The following MAD1L1 variants were observed in gnomAD, a reference collection of about 807,000 sequenced individuals.
The protein encoded by MAD1L1 is mitotic arrest deficient 1 like 1.
In MAD1L1, 95 loss-of-function variants were observed where a neutral mutation model predicts 96.9. The observed-to-expected ratio is 0.98, with a 90% CI of 0.83 to 1.16. The LOEUF (loss-of-function observed/expected upper bound fraction) is 1.16. Ranked by LOEUF, MAD1L1 falls within the 50% of genes most tolerant of loss-of-function variation. MAD1L1 has a pLI of 0.00. For missense variants in MAD1L1, 1,007 were observed against 954.4 expected (o/e 1.06, Z -0.73); for synonymous variants, 473 against 396.6 (o/e 1.19, Z -2.29).
chr7:2,021,826 T>C (rs185743876), intron 12 of MAD1L1, among the ~76,000 whole-genome samples: 24 of 152,158 alleles, frequency 1.6e-4, no homozygotes, highest in Non-Finnish European at 2.5e-4. Context: ...AGATTGGTCA[T>C]TGGCAGCCCT....
intron 17 of MAD1L1, among the ~76,000 whole-genome samples, chr7:1,933,127 C>T (rs1035903476): frequency 6.6e-6 from 1 of 152,184 alleles, no homozygotes; most frequent in African/African-American, 2.4e-5. Flanking sequence ...CTCTGCGTTT[C>T]GCTGTGCTCT....
intron 10 of MAD1L1, among the ~76,000 whole-genome samples, chr7:2,168,687 G>A (rs529879390): frequency 2.6e-5 from 4 of 152,362 alleles, no homozygotes; most frequent in Non-Finnish European, 4.4e-5. Flanking sequence ...AACCAGCCGC[G>A]AGAAGGCACA....
chr7:2,052,496 G>T (rs1445386353), intron 12 of MAD1L1, among the ~76,000 whole-genome samples: 1 of 151,958 alleles, frequency 6.6e-6, no homozygotes, highest in Non-Finnish European at 1.5e-5. Flanking sequence ...GGCAGGGAGG[G>T]GGCTGGACAC....
rs1562692835 is a variant in MAD1L1 at position 2,106,076 on chromosome 7, ACACACAGCGCCAGCCAT to A, written c.1074-36755_1074-36739del. 4.4e-5 allele frequency among the ~76,000 whole-genome samples: 5 copies of A among 113,180 alleles called. No homozygotes were observed. In the South Asian group the frequency reaches 1.4e-3, roughly 31 times the overall value. The allele number at this position is 113,180 out of a possible 152,430, so 74.3% of individuals were successfully genotyped here. A position where few individuals can be genotyped will look rare whatever the true frequency, so the allele number is the denominator to read the frequency against. On this transcript the variant is annotated intron_variant, in intron 11 of 18. Transcript: ENST00000265854. ...GCCCCACCCCCCAGACCTATCTATC[ACACACAGCGCCAGCCAT>A]CACACAGCCCCGCCCCTCCACCCTG... is the stretch of plus-strand genomic sequence containing the variant.
rs1331754868 is a variant in MAD1L1 at position 2,114,226 on chromosome 7, A to G, written c.1073+34926T>C. Among the ~76,000 whole-genome samples the G allele has an allele frequency of 6.6e-6, 1 of 152,250 alleles. No homozygotes were observed. The highest frequency in any genetic ancestry group is 1.5e-5 in the Non-Finnish European group (1 of 68,040). ...GTTCCCAGAAGAACATGCCAGACAC[A>G]TGAGAAAGACAAAAGGGCAAATGGC... On this transcript the variant is annotated intron_variant, in intron 11 of 18. Coordinates refer to ENST00000265854, the MANE Select transcript of MAD1L1 (RefSeq NM_001013836.2). The surrounding 1 kb of genome is among the most constrained non-coding windows in gnomAD (Gnocchi z 4.2).
intron 14 of MAD1L1, among the ~76,000 whole-genome samples, chr7:1,998,056 G>A (rs1375998742): frequency 6.6e-6 from 1 of 152,144 alleles, no homozygotes; most frequent in African/African-American, 2.4e-5. Context: ...GATGAATAAG[G>A]AACAGAAATT....
chr7:1,939,760 C>T (rs926660914), intron 16 of MAD1L1, among the ~76,000 whole-genome samples: 2 of 152,228 alleles, frequency 1.3e-5, no homozygotes, highest in South Asian at 2.1e-4. Flanking sequence ...AGAGACCGGG[C>T]GCAGTAAGCC....
intron 15 of MAD1L1, among the ~76,000 whole-genome samples, chr7:1,977,299 G>A (rs774784491): frequency 9.8e-5 from 15 of 152,376 alleles, no homozygotes; most frequent in Non-Finnish European, 1.3e-4. Flanking sequence ...TTCGACTGCA[G>A]CGCAGATGGG....
intron 11 of MAD1L1, among the ~76,000 whole-genome samples, chr7:2,128,093 G>C (rs1788323379): frequency 6.6e-6 from 1 of 152,160 alleles, no homozygotes; most frequent in Non-Finnish European, 1.5e-5. Context: ...CTCGGGCTCT[G>C]GTCCGGCCTC....
chr7:2,187,155 C>T (rs1452870969), intron 10 of MAD1L1, among the ~76,000 whole-genome samples: 1 of 151,904 alleles, frequency 6.6e-6, no homozygotes, highest in Admixed American at 6.6e-5. Context: ...CGAGACCAGC[C>T]TGGCCAACAT....
chr7:2,214,776 G>T (rs762204081), intron 9 of MAD1L1, among the ~76,000 whole-genome samples: 5 of 152,206 alleles, frequency 3.3e-5, no homozygotes, highest in Non-Finnish European at 7.3e-5. Flanking sequence ...ATGTTTTCCA[G>T]CACTGACACC....
intron 10 of MAD1L1, among the ~76,000 whole-genome samples, chr7:2,157,004 A>G (rs545045973): frequency 6.6e-6 from 1 of 152,282 alleles, no homozygotes; most frequent in African/African-American, 2.4e-5. Flanking sequence ...TTCTCTGTCA[A>G]TCTGAAGGAC....
At chr7:1,889,761 A>G (rs1786422629) in intron 18 of MAD1L1, among the ~76,000 whole-genome samples, 1 of 152,128 alleles carries the variant, frequency 6.6e-6, no homozygotes, top group Admixed American at 6.5e-5. Context: ...TGAGCCTGCC[A>G]TGTTTGTGGC....
chr7:1,913,443 A>AGGGAGT (rs57726885), intron 17 of MAD1L1, among the ~76,000 whole-genome samples: 7 of 152,080 alleles, frequency 4.6e-5, no homozygotes, highest in African/African-American at 1.4e-4. Flanking sequence ...GGCCTGGAGA[A>AGGGAGT]GGGAACCGTC....
At chr7:1,917,917 A>C (rs1414587943) in intron 17 of MAD1L1, among the ~76,000 whole-genome samples, 1 of 152,120 alleles carries the variant, frequency 6.6e-6, no homozygotes, top group Admixed American at 6.5e-5. Flanking sequence ...GCGGGGACGG[A>C]GGGCGGCCCT....
intron 10 of MAD1L1, among the ~76,000 whole-genome samples, chr7:2,160,266 G>C (rs1427966337): frequency 2.7e-5 from 4 of 147,486 alleles, no homozygotes; most frequent in Non-Finnish European, 4.5e-5. Context: ...AGATAAACAA[G>C]AAAATAACAA....
intron 12 of MAD1L1, among the ~76,000 whole-genome samples, chr7:2,025,042 A>G (rs1158583955): frequency 1.3e-5 from 2 of 152,236 alleles, no homozygotes; most frequent in African/African-American, 4.8e-5. Flanking sequence ...GCTTTGGTTA[A>G]AAATAATGTG....
At chr7:2,091,950 C>T (rs1167636443) in intron 11 of MAD1L1, among the ~76,000 whole-genome samples, 1 of 152,152 alleles carries the variant, frequency 6.6e-6, no homozygotes, top group Non-Finnish European at 1.5e-5. Context: ...GCTATAAACA[C>T]GCACATTCAG....
At chr7:2,011,596 A>G (rs1039101422) in intron 13 of MAD1L1, among the ~76,000 whole-genome samples, 3 of 152,166 alleles carry the variant, frequency 2.0e-5, no homozygotes, top group Non-Finnish European at 4.4e-5. Flanking sequence ...TGAGGCAGAA[A>G]GGCAGGGACA....
Sources: gnomAD v4.1 joint callset for allele counts (sites outside exome capture counted in the v4.1 genomes callset) on GRCh38, gnomAD v4.1.1 for gene constraint, Gnocchi (gnomAD v3.1) non-coding constraint, MANE v1.5 for transcripts, NCBI Gene and HGNC (gene_info 2026-07-23, HGNC 2026-07-21) for gene names.